The following RIMKLB variants were observed in gnomAD, a reference collection of about 807,000 sequenced individuals.
The protein encoded by RIMKLB is ribosomal modification protein rimK like family member B.
A neutral mutation model predicts 32.0 loss-of-function variants in RIMKLB; 7 were observed. That is an observed-to-expected ratio of 0.22 (90% confidence interval 0.12 to 0.41). The LOEUF (loss-of-function observed/expected upper bound fraction) is 0.41, where lower values mean the gene tolerates loss of function less well. Among genes scored for constraint, RIMKLB ranks in the 10% least tolerant of loss-of-function variants. RIMKLB has a pLI of 1.00. For missense variants in RIMKLB, 289 were observed against 498.7 expected, an observed-to-expected ratio of 0.58 and a Z score of 4.00; for synonymous variants, 172 against 185.1, an observed-to-expected ratio of 0.93 and a Z score of 0.57.
At chr12:8,768,731 C>T (rs1012966134) in intron 5 of RIMKLB, among the ~76,000 whole-genome samples, 5 of 152,136 alleles carry the variant, frequency 3.3e-5, no homozygotes, top group Non-Finnish European at 4.4e-5. Context: ...AATAATTGCC[C>T]TGTTAAAGTT....
Position 8,725,304 on chromosome 12 carries a change from G to T in RIMKLB, c.175+11263G>T, listed in dbSNP as rs151173331. On this transcript the variant is annotated intron_variant, in intron 2 of 5. Transcript: ENST00000535829. ...TTTTATTATTATTTTTTGAGATGGA[G>T]TCTTGCTCTGTTGCCCATGCTGGAG... Among the ~76,000 whole-genome samples, 568 of 152,206 alleles carry T rather than the reference G, an allele frequency of 3.7e-3. 3 individuals carry two copies. Among genetic ancestry groups the T allele is most frequent in the African/African-American group, 0.013 (545 of 41,496 alleles).
At chr12:8,743,998 A>G (rs923599340) in intron 2 of RIMKLB, among the ~76,000 whole-genome samples, 4 of 152,116 alleles carry the variant, frequency 2.6e-5, no homozygotes, top group South Asian at 2.1e-4. Flanking sequence ...GTTGGAATAC[A>G]TGTTTTTACA....
chr12:8,735,694 G>T (rs1946933055), intron 2 of RIMKLB, among the ~76,000 whole-genome samples: 1 of 151,250 alleles, frequency 6.6e-6, no homozygotes, highest in South Asian at 2.1e-4. Context: ...TATGGGAATG[G>T]TTATTGATTT....
At chr12:8,711,520 A>T (rs1388423067) in intron 1 of RIMKLB, among the ~76,000 whole-genome samples, 1 of 151,308 alleles carries the variant, frequency 6.6e-6, no homozygotes. Context: ...ACTGATTACA[A>T]ACTTTTTTTT....
chr12:8,770,679 A>T (rs191942713), intron 5 of RIMKLB, among the ~76,000 whole-genome samples: 25 of 152,306 alleles, frequency 1.6e-4, no homozygotes, highest in Non-Finnish European at 2.8e-4. Context: ...CTCTCATTCA[A>T]CAACAATTCA....
downstream of RIMKLB, chr12:8,777,662 C>T (rs1950814228): frequency 1.6e-6 from 2 of 1,289,246 alleles, no homozygotes; most frequent in South Asian, 1.2e-5. Context: ...CCTTCTTCCC[C>T]CTTCCTGATG....
intron 1 of RIMKLB, among the ~76,000 whole-genome samples, chr12:8,682,629 G>A (rs1942442450): frequency 6.6e-6 from 1 of 151,780 alleles, no homozygotes; most frequent in African/African-American, 2.4e-5. Context: ...AAAATTAGCC[G>A]GGCGTGGTGG....
At chr12:8,682,932 G>A (rs1406113165) in intron 1 of RIMKLB, among the ~76,000 whole-genome samples, 5 of 151,390 alleles carry the variant, frequency 3.3e-5, no homozygotes. Flanking sequence ...TACCGCGCCC[G>A]GCCTGCAACT....
intron 1 of RIMKLB, among the ~76,000 whole-genome samples, chr12:8,704,176 G>A (rs1253385494): frequency 1.3e-5 from 2 of 152,162 alleles, no homozygotes; most frequent in Admixed American, 6.5e-5. Context: ...GGGGTCAGGA[G>A]TTTGAGACCA....
chr12:8,766,661 G>T (rs1021337526), intron 5 of RIMKLB, among the ~76,000 whole-genome samples: 2 of 152,180 alleles, frequency 1.3e-5, no homozygotes, highest in African/African-American at 4.8e-5. Flanking sequence ...TACCCACTGT[G>T]TTTTTTTCCT....
At chr12:8,683,808 C>T (rs1245732287) in intron 1 of RIMKLB, among the ~76,000 whole-genome samples, 6 of 152,100 alleles carry the variant, frequency 3.9e-5, no homozygotes, top group Non-Finnish European at 1.5e-5. Flanking sequence ...AGTGTGGTGG[C>T]ACGATCTCGG....
intron 2 of RIMKLB, among the ~76,000 whole-genome samples, chr12:8,727,849 C>T (rs1326876114): frequency 6.7e-6 from 1 of 148,926 alleles, no homozygotes; most frequent in Non-Finnish European, 1.5e-5. Flanking sequence ...TGCAGTGAGC[C>T]AAGACTGTGC....
At chr12:8,777,709 C>T (rs1950816945), downstream of RIMKLB, 1 of 1,278,468 alleles carries the variant, frequency 7.8e-7, no homozygotes, top group Non-Finnish European at 1.0e-6. Context: ...GGGGTCAGTG[C>T]CCTTCTAAAC....
chr12:8,729,335 A>T (rs891674268), intron 2 of RIMKLB, among the ~76,000 whole-genome samples: 1 of 151,702 alleles, frequency 6.6e-6, no homozygotes. Context: ...TGGGAAGCGG[A>T]GCTGAAAAGG....
At chr12:8,713,043 GAAA>G (rs1187182167) in intron 1 of RIMKLB, among the ~76,000 whole-genome samples, 8 of 151,922 alleles carry the variant, frequency 5.3e-5, no homozygotes, top group African/African-American at 1.7e-4. Flanking sequence ...ACACCATCTG[GAAA>G]AAAAGTCCTT....
intron 5 of RIMKLB, among the ~76,000 whole-genome samples, 196 bp from the exon 6 acceptor site, chr12:8,773,125 T>C (rs1344653678): frequency 1.3e-5 from 2 of 151,994 alleles, no homozygotes; most frequent in African/African-American, 2.4e-5. Context: ...TACGAAATCA[T>C]CAATTCCTGG....
chr12:8,780,520 CTTAT>C (rs1402766972), downstream of RIMKLB: 1 of 152,080 alleles, frequency 6.6e-6, no homozygotes, highest in African/African-American at 2.4e-5. Flanking sequence ...GGAATTTTTT[CTTAT>C]TTAATCTGAA....
chr12:8,738,641 A>G lies in RIMKLB; in HGVS notation c.176-11221A>G, dbSNP rs142522761. Among the ~76,000 whole-genome samples the G allele has an allele frequency of 2.1e-4, 32 of 152,296 alleles. No individual in the cohort carries two copies. In the East Asian group the frequency reaches 5.8e-3, roughly 28 times the overall value. On this transcript the variant is annotated intron_variant, in intron 2 of 5. Coordinates refer to ENST00000535829, the MANE Select transcript of RIMKLB (RefSeq NM_001297776.2). ...ACACACAACACGATTGCAAAAATGTATTTAGTCTAAATAAGAAAAGGAGAG... is the reference window on the plus strand; with the variant it reads ...ACACACAACACGATTGCAAAAATGTGTTTAGTCTAAATAAGAAAAGGAGAG...
intron 5 of RIMKLB, among the ~76,000 whole-genome samples, chr12:8,769,107 CTT>C (rs1178542710): frequency 2.0e-5 from 3 of 152,084 alleles, no homozygotes; most frequent in South Asian, 2.1e-4. Flanking sequence ...GCATTTTTCT[CTT>C]TTATTTACAG....
Sources: allele counts gnomAD v4.1 joint callset (sites outside exome capture counted in the v4.1 genomes callset), GRCh38; gene constraint gnomAD v4.1.1; transcripts MANE v1.5; gene names NCBI Gene and HGNC (gene_info 2026-07-23, HGNC 2026-07-21).